Variants in ZNF414 observed in about 807,000 individuals in gnomAD.
ZNF414 encodes the protein zinc finger protein 414.
Under a neutral mutation model 38.3 loss-of-function variants are expected in ZNF414, and 32 were observed. That is an observed-to-expected ratio of 0.83 (90% CI 0.63 to 1.12). ZNF414 has a LOEUF of 1.12. Among genes scored for constraint, ZNF414 ranks in the 50% most tolerant of loss-of-function variants. The pLI, the probability that ZNF414 is intolerant of heterozygous loss-of-function variation, is 0.00. For missense variants in ZNF414, 589 were observed against 557.4 expected (o/e 1.06, Z -0.57); for synonymous variants, 256 against 248.0 (o/e 1.03, Z -0.30).
Position 8,510,766 on chromosome 19 carries a change from T to G in ZNF414, c.1100-2A>C. On this transcript the variant is annotated splice_acceptor_variant, in intron 7 of 7. Coordinates refer to ENST00000393927, the MANE Select transcript of ZNF414 (RefSeq NM_001146175.2). LOFTEE classifies it high-confidence loss of function. ...CCTTGGGTGCAAGCGGGGCCGGATC[T>G]GGGTGGGGCAGAGGAGGGGGGCGCC... The G allele has an allele frequency of 6.5e-7, 1 of 1,546,536 alleles. No homozygotes were observed. The highest frequency in any genetic ancestry group is 1.2e-5 in the South Asian group (1 of 83,616).
In ZNF414 at chr19:8,511,810, G is replaced by A. The variant is rs536650276; in HGVS notation, c.681C>T (p.Asp227=). ...PPAPERPPEV[D]PASAPGLPFP... ...ACGGCAGGCCCGGCGCTGATGCGGG[G>A]TCAACCTCCGGGGGGCGCTCCGGCG... The change falls in exon 5 of 8, where the codon GAC becomes GAT. Residue 227 remains aspartate (D), a synonymous_variant. Coordinates refer to ENST00000393927, the MANE Select transcript of ZNF414 (RefSeq NM_001146175.2). 1.4e-6 allele frequency: 2 copies of A among 1,404,314 alleles called. No homozygotes were observed. Among genetic ancestry groups the A allele is most frequent in the Admixed American group, 6.7e-5 (2 of 29,972 alleles). 87.0% of individuals were successfully genotyped at this position (1,404,314 alleles called of 1,614,324 possible). A position where few individuals can be genotyped will look rare whatever the true frequency, so the allele number is the denominator to read the frequency against.
Position 8,510,285 on chromosome 19 carries a change from CTCAAAAAAGAAAAA to C in ZNF414, c.*392_*405del, listed in dbSNP as rs202089306. 38,422 of 133,098 alleles carry C rather than the reference CTCAAAAAAGAAAAA, an allele frequency of 0.29. 5,351 individuals carry two copies. Among genetic ancestry groups the C allele is most frequent in the East Asian group, 0.54 (2,508 of 4,614 alleles). The allele number at this position is 133,098 out of a possible 1,614,324, so 8.2% of individuals were successfully genotyped here. Reference sequence around the variant, plus strand: ...GGCCTGGGAGACAGAGCAAGACTGTCTCAAAAAAGAAAAAAAAAAAAAGAAAAAAAAAAAAAAAG... The same window carrying C: ...GGCCTGGGAGACAGAGCAAGACTGTCAAAAAAAAGAAAAAAAAAAAAAAAG... On this transcript the variant is annotated 3_prime_UTR_variant, in exon 8 of 8. Transcript: ENST00000393927.
In ZNF414 at chr19:8,512,706, G is replaced by C. The variant is rs918697725; in HGVS notation, c.322C>G (p.Gln108Glu). The change falls in exon 3 of 8, where the codon CAA becomes GAA. Residue 108 changes from glutamine (Q) to glutamate (E), a missense_variant. Coordinates refer to ENST00000393927, the MANE Select transcript of ZNF414 (RefSeq NM_001146175.2). ...PPRRRPPPGK[Q>E]IPCSSPGCCL... is the part of the protein sequence containing the mutation. ...CAGCCAGGGCTGGAGCAAGGGATTTGCTTCCCTGCAGGACGCACAGAACAG... is the reference window on the plus strand; with the variant it reads ...CAGCCAGGGCTGGAGCAAGGGATTTCCTTCCCTGCAGGACGCACAGAACAG... 5.2e-6 allele frequency: 8 copies of C among 1,534,156 alleles called. No individual in the cohort carries two copies. The African/African-American group carries it at 6.8e-5, about 13-fold the overall frequency.
In ZNF414 at chr19:8,512,217, C is replaced by A; in HGVS notation, c.530+170G>T. The A allele has an allele frequency of 3.5e-6, 5 of 1,429,704 alleles. No homozygotes were observed. In the South Asian group the frequency reaches 5.9e-5, roughly 17 times the overall value. 88.6% of individuals were successfully genotyped at this position (1,429,704 alleles called of 1,614,324 possible). Reference sequence around the variant, plus strand: ...GGTAAAGCCTGGCTGGGTGGGGCCACGCCCACGTATGCCCCGCCCCATCCA... The same window carrying A: ...GGTAAAGCCTGGCTGGGTGGGGCCAAGCCCACGTATGCCCCGCCCCATCCA... On this transcript the variant is annotated intron_variant, in intron 4 of 7. Coordinates refer to ENST00000393927, the MANE Select transcript of ZNF414 (RefSeq NM_001146175.2).
chr19:8,509,840 C>T lies in ZNF414; in HGVS notation c.*851G>A, dbSNP rs992670590. ...AGCTGGGACTACAGGTGTGCGCCAC[C>T]ACACCTGGCTAATTTTTTGTGTTTA... On this transcript the variant is annotated 3_prime_UTR_variant, in exon 8 of 8. Transcript: ENST00000393927. The T allele has an allele frequency of 6.6e-6, 1 of 151,892 alleles. No individual in the cohort carries two copies. 9.4% of individuals were successfully genotyped at this position (151,892 alleles called of 1,614,324 possible).
intron 1 of ZNF414, 55 bp downstream of exon 1, chr19:8,513,989 C>G: frequency 7.1e-7 from 1 of 1,406,018 alleles, no homozygotes. Flanking sequence ...GACAGGGCCG[C>G]TCCCCGCCAG....
rs1200184003 is a variant in ZNF414, at chr19:8,510,294, G to GAAAAAA, written c.*391_*396dup. 2 of 25,556 alleles carry GAAAAAA rather than the reference G, an allele frequency of 7.8e-5. No homozygotes were observed. Among genetic ancestry groups the GAAAAAA allele is most frequent in the African/African-American group, 1.1e-4 (1 of 9,412 alleles). The allele number at this position is 25,556 out of a possible 1,614,324, so 1.6% of individuals were successfully genotyped here. ...GACAGAGCAAGACTGTCTCAAAAAA[G>GAAAAAA]AAAAAAAAAAAAAGAAAAAAAAAAA... is the stretch of plus-strand genomic sequence containing the variant. On this transcript the variant is annotated 3_prime_UTR_variant, in exon 8 of 8. Coordinates refer to ENST00000393927, the MANE Select transcript of ZNF414 (RefSeq NM_001146175.2).
intron 2 of ZNF414, 147 bp downstream of exon 2, chr19:8,512,882 T>A (rs1051243739): frequency 3.3e-6 from 4 of 1,228,638 alleles, no homozygotes; most frequent in Non-Finnish European, 4.4e-6. Context: ...AGGCTCACCA[T>A]TGGAGCCACA....
At position 8,510,917 on chromosome 19, in the gene ZNF414, C is replaced by G. The variant is rs1321217608; in HGVS notation, c.1033G>C (p.Glu345Gln). ...ASRPAMTLHL[E>Q]DHRPGAPAAP... ...GCGGGGGCGCCGGGGCGGTGGTCCT[C>G]CAGGTGCAGGGTCATGGCGGGCCGC... The change falls in exon 7 of 8, where the codon GAG (glutamate) becomes CAG (glutamine). Residue 345 changes from glutamate (E) to glutamine (Q), a missense_variant. Transcript: ENST00000393927. The G allele has an allele frequency of 2.0e-5, 24 of 1,212,532 alleles. No individual in the cohort carries two copies. Among genetic ancestry groups the G allele is most frequent in the Non-Finnish European group, 2.5e-5 (24 of 973,948 alleles). The allele number at this position is 1,212,532 out of a possible 1,614,324, so 75.1% of individuals were successfully genotyped here.
intron 4 of ZNF414, 164 bp from the exon 5 acceptor site, chr19:8,512,124 G>A: frequency 1.1e-5 from 16 of 1,423,798 alleles, no homozygotes; most frequent in Non-Finnish European, 1.5e-5. Flanking sequence ...ACCACTTCGG[G>A]TGGGAACCTG....
Position 8,511,847 on chromosome 19 carries a change from C to T in ZNF414, c.644G>A (p.Arg215Gln), listed in dbSNP as rs1376099705. The T allele has an allele frequency of 1.4e-6, 2 of 1,398,676 alleles. No individual in the cohort carries two copies. The highest frequency in any genetic ancestry group is 9.2e-7 in the Non-Finnish European group (1 of 1,084,370). The allele number at this position is 1,398,676 out of a possible 1,614,324, so 86.6% of individuals were successfully genotyped here. Reference protein sequence around the residue: ...PAPPPPPALDREPPAPERPPE... With the variant: ...PAPPPPPALDQEPPAPERPPE... ...GGGGCGCTCCGGCGCGGGCGGCTCT[C>T]GGTCCAGGGCCGGGGGTGGCGGCGG... The change falls in exon 5 of 8, where the codon CGA (arginine) becomes CAA (glutamine). Residue 215 changes from arginine to glutamine, a missense_variant. Transcript: ENST00000393927.
chr19:8,511,739 C>A lies in ZNF414; in HGVS notation c.752G>T (p.Gly251Val). 1 of 1,462,612 alleles carries A rather than the reference C, an allele frequency of 6.8e-7. No homozygotes were observed. The highest frequency in any genetic ancestry group is 9.0e-7 in the Non-Finnish European group (1 of 1,113,898). The allele number at this position is 1,462,612 out of a possible 1,614,324, so 90.6% of individuals were successfully genotyped here. ...AGGGTTCAAGTAGGGCAGGAACGGT[C>A]CGGTGGGGGCAGGGGCGGGGGTCGT... ...PFTTPAPAPTGPFLPYLNPAP... is the reference protein window; with the variant it reads ...PFTTPAPAPTVPFLPYLNPAP... The change falls in exon 5 of 8, where the codon GGA becomes GTA. Residue 251 changes from glycine to valine, a missense_variant. By Grantham distance (109) the Gly-to-Val change is moderately radical. Transcript: ENST00000393927.
chr19:8,512,600 C>A lies in ZNF414; in HGVS notation c.424+4G>T. 1 of 1,591,210 alleles carries A rather than the reference C, an allele frequency of 6.3e-7. No individual in the cohort carries two copies. The highest frequency in any genetic ancestry group is 1.8e-5 in the Admixed American group (1 of 56,130). Reference sequence around the variant, plus strand: ...TGCCTCCCCATTACCAGTCCTGGCCCTACCTTCCAGGGACTGTGTGGGCGG... The same window carrying A: ...TGCCTCCCCATTACCAGTCCTGGCCATACCTTCCAGGGACTGTGTGGGCGG... On this transcript the variant is annotated splice_donor_region_variant and intron_variant, in intron 3 of 7. Coordinates refer to ENST00000393927, the MANE Select transcript of ZNF414 (RefSeq NM_001146175.2).
chr19:8,511,293 A>G, intron 6 of ZNF414, 193 bp downstream of exon 6: 1 of 1,428,938 alleles, frequency 7.0e-7, no homozygotes, highest in East Asian at 2.6e-5. Flanking sequence ...CGCAAGGTTT[A>G]TACGGGAACG....
In ZNF414 at chr19:8,510,782, G is replaced by C; in HGVS notation, c.1100-18C>G. The C allele has an allele frequency of 6.5e-7, 1 of 1,536,080 alleles. No homozygotes were observed. Among genetic ancestry groups the C allele is most frequent in the Admixed American group, 2.0e-5 (1 of 49,928 alleles). Reference sequence around the variant, plus strand: ...GGCCGGATCTGGGTGGGGCAGAGGAGGGGGGCGCCTGAGCCTCAGCGCCTT... The same window carrying C: ...GGCCGGATCTGGGTGGGGCAGAGGACGGGGGCGCCTGAGCCTCAGCGCCTT... On this transcript the variant is annotated intron_variant, in intron 7 of 7. Coordinates refer to ENST00000393927, the MANE Select transcript of ZNF414 (RefSeq NM_001146175.2).
chr19:8,513,731 T>C (rs1485244960), intron 1 of ZNF414, among the ~76,000 whole-genome samples: 2 of 151,810 alleles, frequency 1.3e-5, no homozygotes, highest in African/African-American at 4.8e-5. Context: ...TGGGCAGGCA[T>C]GGACTGGGAA....
At chr19:8,512,745 C>T in intron 2 of ZNF414, 34 bp from the exon 3 acceptor site, 1 of 1,462,522 alleles carries the variant, frequency 6.8e-7, no homozygotes, top group Non-Finnish European at 9.1e-7. Context: ...TCACTGGTCC[C>T]TTCCTCACTA....
At position 8,511,426 on chromosome 19, in the gene ZNF414, C is replaced by A. The variant is rs767847977; in HGVS notation, c.925+60G>T. ...CTGCTGCCTCCTGGTATCCACCAGA[C>A]CCCGCAGGGCGCAGGAAAGAAAGCC... On this transcript the variant is annotated intron_variant, in intron 6 of 7. Coordinates refer to ENST00000393927, the MANE Select transcript of ZNF414 (RefSeq NM_001146175.2). 1.9e-6 allele frequency: 3 copies of A among 1,584,182 alleles called. No homozygotes were observed. The South Asian group carries it at 3.4e-5, about 18-fold the overall frequency.
intron 3 of ZNF414, 55 bp downstream of exon 3, chr19:8,512,549 G>A: frequency 1.2e-6 from 2 of 1,609,938 alleles, no homozygotes; most frequent in Non-Finnish European, 1.7e-6. Context: ...GGCTCCGAGG[G>A]GCTCCGCCTG....
Sources: gnomAD v4.1 joint callset for allele counts (sites outside exome capture counted in the v4.1 genomes callset) on GRCh38, gnomAD v4.1.1 for gene constraint, MANE v1.5 for transcripts, NCBI Gene and HGNC (gene_info 2026-07-23, HGNC 2026-07-21) for gene names.